Variants in TSPEAR observed in about 807,000 individuals in gnomAD.
TSPEAR encodes thrombospondin type laminin G domain and EAR repeats.
TSPEAR carries 69 observed loss-of-function variants against 71.6 expected under a neutral mutation model. The observed-to-expected ratio is 0.96, with a 90% CI of 0.79 to 1.18. The LOEUF is 1.18. Among genes scored for constraint, TSPEAR ranks in the 50% most tolerant of loss-of-function variants. The pLI is 0.00. For synonymous variants in TSPEAR, 402 were observed against 387.2 expected, an observed-to-expected ratio of 1.04 and a Z score of -0.45; for missense variants, 971 against 894.9, an observed-to-expected ratio of 1.09 and a Z score of -1.09.
chr21:44,514,318 A>G (rs2052490099), intron 9 of TSPEAR, among the ~76,000 whole-genome samples: 1 of 152,182 alleles, frequency 6.6e-6, no homozygotes, highest in African/African-American at 2.4e-5. Flanking sequence ...CCCCCACTGT[A>G]TCCTTGCCTA....
At chr21:44,510,558 G>A (rs2052339421) in intron 9 of TSPEAR, 1 of 152,336 alleles carries the variant, frequency 6.6e-6, no homozygotes, top group East Asian at 1.9e-4. Flanking sequence ...GGGCTGCCCA[G>A]GCATCTTCTG....
chr21:44,592,945 G>C (rs587714067), intron 1 of TSPEAR, among the ~76,000 whole-genome samples: 7 of 152,306 alleles, frequency 4.6e-5, no homozygotes, highest in Non-Finnish European at 7.4e-5. Context: ...GGGCCCATGA[G>C]CCTTCATTGA....
intron 1 of TSPEAR, among the ~76,000 whole-genome samples, chr21:44,611,841 T>C (rs1180123646): frequency 2.0e-5 from 3 of 152,124 alleles, no homozygotes; most frequent in Non-Finnish European, 4.4e-5. Context: ...TCACTGTGTG[T>C]GGTTGCAGGG....
rs71199618 is a variant in TSPEAR at position 44,689,712 on chromosome 21, A to AATATATATATATAT, written c.82+21707_82+21720dup. Among the ~76,000 whole-genome samples the AATATATATATATAT allele has an allele frequency of 7.6e-4, 47 of 62,042 alleles. 2 individuals are homozygous for AATATATATATATAT. Among genetic ancestry groups the AATATATATATATAT allele is most frequent in the African/African-American group, 3.4e-3 (42 of 12,450 alleles). The allele number at this position is 62,042 out of a possible 152,430, so 40.7% of individuals were successfully genotyped here. On this transcript the variant is annotated intron_variant, in intron 1 of 11. Transcript: ENST00000323084. The stretch of plus-strand genomic sequence containing the variant: ...TCCCTTAGAGGGACAGAATAGAATG[A>AATATATATATATAT]ATATATATATATATATATATATATA...
chr21:44,618,015 G>C (rs233266), intron 1 of TSPEAR, among the ~76,000 whole-genome samples: 5,097 of 152,286 alleles, frequency 0.033, 137 homozygotes, highest in Middle Eastern at 0.048. Flanking sequence ...GGAAATGGTG[G>C]AGCGGGGAAC....
chr21:44,646,391 C>T, intron 1 of TSPEAR: 1 of 1,549,670 alleles, frequency 6.5e-7, no homozygotes, highest in Non-Finnish European at 8.7e-7. Context: ...GCACCTCACT[C>T]ACTCACTCAC....
chr21:44,579,893 C>A, intron 1 of TSPEAR: 2 of 1,600,886 alleles, frequency 1.2e-6, no homozygotes, highest in Non-Finnish European at 1.7e-6. Flanking sequence ...GGCGGGCCTG[C>A]ATATGGGGCG....
At chr21:44,598,170 T>C (rs1980495691) in intron 1 of TSPEAR, among the ~76,000 whole-genome samples, 1 of 152,222 alleles carries the variant, frequency 6.6e-6, no homozygotes, top group Admixed American at 6.5e-5. Flanking sequence ...CATTCCGTTC[T>C]GTATTTAGGA....
intron 9 of TSPEAR, among the ~76,000 whole-genome samples, chr21:44,521,106 C>T (rs2052724626): frequency 6.6e-6 from 1 of 152,190 alleles, no homozygotes; most frequent in African/African-American, 2.4e-5. Context: ...CAGAAGGACA[C>T]CAGGGAGGTG....
chr21:44,653,822 C>T (rs587661951), intron 1 of TSPEAR, among the ~76,000 whole-genome samples: 203 of 152,296 alleles, frequency 1.3e-3, no homozygotes, highest in South Asian at 7.0e-3. Flanking sequence ...CTCAGGAGCA[C>T]GGCCCACTAG....
chr21:44,549,787 T>C (rs1240330249), intron 2 of TSPEAR, among the ~76,000 whole-genome samples: 2 of 152,252 alleles, frequency 1.3e-5, no homozygotes, highest in Non-Finnish European at 2.9e-5. Context: ...CATTGGGGCC[T>C]TGCTGTTCCC....
At chr21:44,544,045 C>T (rs587738728) in intron 2 of TSPEAR, among the ~76,000 whole-genome samples, 1 of 152,304 alleles carries the variant, frequency 6.6e-6, no homozygotes, top group South Asian at 2.1e-4. Context: ...AGCAAAGCCC[C>T]ACATTCTTTC....
intron 2 of TSPEAR, among the ~76,000 whole-genome samples, chr21:44,554,050 G>A (rs753943096): frequency 3.9e-5 from 6 of 152,222 alleles, no homozygotes; most frequent in Non-Finnish European, 8.8e-5. Flanking sequence ...AAATGGCAAA[G>A]TGATTGTTAT....
chr21:44,583,854 T>C (rs1204103281), intron 1 of TSPEAR, among the ~76,000 whole-genome samples: 5 of 152,230 alleles, frequency 3.3e-5, no homozygotes, highest in African/African-American at 1.2e-4. Context: ...CAGTTACCTT[T>C]ATTTTGTGAT....
chr21:44,589,687 C>T (rs1485632323), intron 1 of TSPEAR, among the ~76,000 whole-genome samples: 2 of 152,130 alleles, frequency 1.3e-5, no homozygotes, highest in Non-Finnish European at 2.9e-5. Flanking sequence ...TGGGGATGGC[C>T]AGACAGGCTG....
chr21:44,517,630 C>T (rs932370087), intron 9 of TSPEAR: 3 of 391,766 alleles, frequency 7.7e-6, no homozygotes, highest in African/African-American at 4.1e-5. Context: ...GTGTGTGCTC[C>T]TTGTCTGACT....
chr21:44,536,071 T>C (rs2053086338), intron 2 of TSPEAR, among the ~76,000 whole-genome samples: 2 of 152,210 alleles, frequency 1.3e-5, no homozygotes, highest in South Asian at 4.1e-4. Context: ...TAGCTCAGAC[T>C]CAAGAGTTCA....
At chr21:44,647,283 C>G (rs782788372) in intron 1 of TSPEAR, 11 of 1,612,016 alleles carry the variant, frequency 6.8e-6, no homozygotes, top group Non-Finnish European at 9.3e-6. Flanking sequence ...CCTGCGTGTC[C>G]CTCCTCTGCC....
intron 1 of TSPEAR, among the ~76,000 whole-genome samples, chr21:44,658,575 C>A (rs1985310435): frequency 6.6e-6 from 1 of 152,162 alleles, no homozygotes; most frequent in Non-Finnish European, 1.5e-5. Context: ...TTCGTAAGTT[C>A]TTTCCTTGAA....
Sources: allele counts gnomAD v4.1 joint callset (sites outside exome capture counted in the v4.1 genomes callset), GRCh38; gene constraint gnomAD v4.1.1; transcripts MANE v1.5; gene names NCBI Gene and HGNC (gene_info 2026-07-23, HGNC 2026-07-21).